TRIM33: variants seen among roughly 807,000 people sequenced by gnomAD.
The protein encoded by TRIM33 is E3 ubiquitin-protein ligase TRIM33.
A neutral mutation model predicts 125.4 loss-of-function variants in TRIM33; 20 were observed. The ratio of observed to expected loss-of-function variants is 0.16; its 90% CI spans 0.11 to 0.23. TRIM33 has a LOEUF of 0.23. Ranked by LOEUF, TRIM33 falls within the 10% of genes least tolerant of loss-of-function variation. The probability of loss-of-function intolerance (pLI) is 1.00; values close to 1 mark genes in which losing one functional copy is unlikely to be tolerated. For missense variants in TRIM33, 920 were observed against 1,411.4 expected, an observed-to-expected ratio of 0.65 and a Z score of 5.58; for synonymous variants, 564 against 513.9, an observed-to-expected ratio of 1.10 and a Z score of -1.32.
intron 4 of TRIM33, among the ~76,000 whole-genome samples, chr1:114,461,066 C>T (rs2878746): frequency 0.043 from 6,552 of 151,714 alleles, 153 homozygotes; most frequent in African/African-American, 0.063. Flanking sequence ...GAGGCCGGGG[C>T]CAAGCTCAGT....
intron 5 of TRIM33, among the ~76,000 whole-genome samples, chr1:114,433,287 C>T (rs1648083777): frequency 6.6e-6 from 1 of 152,130 alleles, no homozygotes; most frequent in African/African-American, 2.4e-5. Context: ...CCGTGATACT[C>T]TCTTCTCTAT....
intron 4 of TRIM33, among the ~76,000 whole-genome samples, chr1:114,450,173 C>T (rs1164144970): frequency 6.6e-6 from 1 of 152,204 alleles, no homozygotes; most frequent in Non-Finnish European, 1.5e-5. Flanking sequence ...AGGAGAATCG[C>T]TTGCACCCGG....
chr1:114,460,817 A>T (rs1649933384), intron 4 of TRIM33, among the ~76,000 whole-genome samples: 1 of 152,088 alleles, frequency 6.6e-6, no homozygotes, highest in East Asian at 1.9e-4. Flanking sequence ...TGCTCAGTTC[A>T]CTGAAACACT....
At chr1:114,428,349 A>G (rs1192438756) in intron 6 of TRIM33, among the ~76,000 whole-genome samples, 1 of 152,240 alleles carries the variant, frequency 6.6e-6, no homozygotes, top group South Asian at 2.1e-4. Context: ...ACAAAATGAA[A>G]AAGATAACTT....
intron 4 of TRIM33, among the ~76,000 whole-genome samples, chr1:114,458,975 AAC>A (rs1649787059): frequency 6.6e-6 from 1 of 152,238 alleles, no homozygotes; most frequent in Non-Finnish European, 1.5e-5. Context: ...TGGTTTCTGC[AAC>A]AGTCCATCCA....
At chr1:114,408,073 C>T (rs944607606) in intron 13 of TRIM33, among the ~76,000 whole-genome samples, 2 of 152,156 alleles carry the variant, frequency 1.3e-5, no homozygotes, top group African/African-American at 4.8e-5. Context: ...AGTCTTCTTG[C>T]TCTCCCTTCC....
At chr1:114,485,054 A>T (rs933133884) in intron 1 of TRIM33, among the ~76,000 whole-genome samples, 4 of 101,074 alleles carry the variant, frequency 4.0e-5, no homozygotes, top group East Asian at 2.1e-4. Flanking sequence ...TCTGTCTTTT[A>T]AAAAAAAAAA....
At chr1:114,473,060 T>G (rs1254051096) in intron 1 of TRIM33, among the ~76,000 whole-genome samples, 1 of 151,728 alleles carries the variant, frequency 6.6e-6, no homozygotes, top group African/African-American at 2.4e-5. Context: ...ATAGAGACCA[T>G]CCTGGCTAAC....
At chr1:114,468,773 AG>A (rs570428499) in intron 1 of TRIM33, 10 of 377,630 alleles carry the variant, frequency 2.6e-5, no homozygotes, top group African/African-American at 4.3e-5. Flanking sequence ...ACAGCAAAAA[AG>A]ATGACAGTAT....
rs1482656020 is a variant in TRIM33, at chr1:114,485,676, C to A, written c.527-21288G>T. Among the ~76,000 whole-genome samples the A allele has an allele frequency of 7.9e-5, 12 of 152,270 alleles. No homozygotes were observed. The South Asian group carries it at 1.0e-3, about 13-fold the overall frequency. On this transcript the variant is annotated intron_variant, in intron 1 of 19. Coordinates refer to ENST00000358465, the MANE Select transcript of TRIM33 (RefSeq NM_015906.4). ...TCTGCAACATGGCAGAGAAAGTCAG[C>A]ACTCCACTTTTGCCAGGGTGGTGTC...
At chr1:114,473,538 G>C (rs1265233322) in intron 1 of TRIM33, among the ~76,000 whole-genome samples, 1 of 152,114 alleles carries the variant, frequency 6.6e-6, no homozygotes, top group Non-Finnish European at 1.5e-5. Context: ...AAATCGGAAT[G>C]AATCAGGGTG....
intron 11 of TRIM33, among the ~76,000 whole-genome samples, chr1:114,413,430 T>C (rs775310625): frequency 3.3e-5 from 5 of 151,370 alleles, no homozygotes; most frequent in Non-Finnish European, 7.4e-5. Flanking sequence ...TGGTGGTGCA[T>C]GCCTGTAATC....
chr1:114,417,219 GC>G (rs2101129465), intron 11 of TRIM33, among the ~76,000 whole-genome samples: 1 of 152,260 alleles, frequency 6.6e-6, no homozygotes, highest in East Asian at 1.9e-4. Flanking sequence ...ATGAGTGACT[GC>G]TAATGAGTAC....
At chr1:114,426,721 T>G (rs1028029167) in intron 8 of TRIM33, among the ~76,000 whole-genome samples, 3 of 152,166 alleles carry the variant, frequency 2.0e-5, no homozygotes, top group African/African-American at 7.2e-5. Context: ...GGAAAATCCA[T>G]TTCTCTTCCA....
chr1:114,478,729 A>C (rs1651121117), intron 1 of TRIM33, among the ~76,000 whole-genome samples: 1 of 152,208 alleles, frequency 6.6e-6, no homozygotes, highest in Non-Finnish European at 1.5e-5. Context: ...CAAAATAAAA[A>C]ATTCACTACA....
At chr1:114,439,468 CAAAAAAAAAAAAAAAA>C (rs59231995) in intron 4 of TRIM33, among the ~76,000 whole-genome samples, 5 of 45,964 alleles carry the variant, frequency 1.1e-4, no homozygotes, top group Non-Finnish European at 1.5e-4. Context: ...GACTCTGTAT[CAAAAAAAAAAAAAAAA>C]AAAAAAAAAA....
chr1:114,424,494 A>C, intron 10 of TRIM33, 97 bp downstream of exon 10: 1 of 1,107,814 alleles, frequency 9.0e-7, no homozygotes, highest in Middle Eastern at 2.7e-4. Context: ...TCAAATTCTC[A>C]AACACATCAA....
rs559937653 is a variant in TRIM33 at position 114,439,663 on chromosome 1, T to C, written c.924-5930A>G. ...AATAGTAGTTACGGATAAAAGTTTT[T>C]CAAATTTGATGATCTATAGCTCTAA... On this transcript the variant is annotated intron_variant, in intron 4 of 19. Coordinates refer to ENST00000358465, the MANE Select transcript of TRIM33 (RefSeq NM_015906.4). 3.9e-5 allele frequency among the ~76,000 whole-genome samples: 6 copies of C among 151,934 alleles called. No homozygotes were observed. In the South Asian group the frequency reaches 1.2e-3, roughly 32 times the overall value.
At chr1:114,405,807 T>C (rs1217974031) in intron 14 of TRIM33, 48 bp from the exon 15 acceptor site, 1 of 1,477,598 alleles carries the variant, frequency 6.8e-7, no homozygotes. Flanking sequence ...TAATCTTTAT[T>C]GTATGCCATA....
Sources: gnomAD v4.1 joint callset for allele counts (sites outside exome capture counted in the v4.1 genomes callset) on GRCh38, gnomAD v4.1.1 for gene constraint, MANE v1.5 for transcripts, NCBI Gene and HGNC (gene_info 2026-07-23, HGNC 2026-07-21) for gene names.